The following GRAMD2B variants were observed in gnomAD, a reference collection of about 807,000 sequenced individuals.
The protein encoded by GRAMD2B is GRAM domain-containing protein 2B.
Under a neutral mutation model 59.2 loss-of-function variants are expected in GRAMD2B, and 41 were observed. The observed-to-expected ratio is 0.69, with a 90% CI of 0.54 to 0.90. GRAMD2B has a LOEUF of 0.90. GRAMD2B is among the 40% of genes least tolerant of loss of function. The probability of loss-of-function intolerance (pLI) is 0.00; values close to 1 mark genes in which losing one functional copy is unlikely to be tolerated. For missense variants in GRAMD2B, 424 were observed against 500.5 expected (o/e 0.85, Z 1.46); for synonymous variants, 161 against 182.7 (o/e 0.88, Z 0.96).
At chr5:126,450,537 G>A (rs1448303014) in intron 1 of GRAMD2B, among the ~76,000 whole-genome samples, 1 of 151,684 alleles carries the variant, frequency 6.6e-6, no homozygotes, top group Non-Finnish European at 1.5e-5. Flanking sequence ...GCCTCACTCT[G>A]GGTTATCATT....
At chr5:126,464,979 T>G (rs1363965502) in intron 1 of GRAMD2B, 6 of 870,990 alleles carry the variant, frequency 6.9e-6, no homozygotes, top group Non-Finnish European at 8.3e-6. Flanking sequence ...ACTGCTTGGT[T>G]AAACAACATG....
chr5:126,465,436 G>C lies in GRAMD2B; in HGVS notation c.94G>C (p.Glu32Gln), dbSNP rs1768141864. 1 of 1,614,200 alleles carries C rather than the reference G, an allele frequency of 6.2e-7. No individual in the cohort carries two copies. Among genetic ancestry groups the C allele is most frequent in the East Asian group, 2.2e-5 (1 of 44,884 alleles). The change falls in exon 2 of 14, where the codon GAG becomes CAG. Residue 32 changes from glutamate to glutamine, a missense_variant. Physicochemically the swap from Glu to Gln is conservative, Grantham distance 29. Transcript: ENST00000285689. The stretch of plus-strand genomic sequence containing the variant: ...TCCTTTCTTCTTCAGCTCAGAGGCT[G>C]AGAATGGTGTGGAGGAGAAAAAGAA... Reference protein sequence around the residue: ...SKLGSAHSEAENGVEEKKKAC... With the variant: ...SKLGSAHSEAQNGVEEKKKAC...
chr5:126,476,215 G>A (rs939653182), intron 5 of GRAMD2B, among the ~76,000 whole-genome samples: 5 of 152,336 alleles, frequency 3.3e-5, no homozygotes, highest in East Asian at 3.9e-4. Flanking sequence ...GGAGGTTGCC[G>A]TGAGCCAAGA....
chr5:126,485,983 T>C (rs2126949420), intron 11 of GRAMD2B, among the ~76,000 whole-genome samples: 1 of 152,330 alleles, frequency 6.6e-6, no homozygotes. Context: ...TGCAGAGGAC[T>C]AAGTTCTGAG....
At chr5:126,482,524 C>T (rs759475687) in intron 8 of GRAMD2B, among the ~76,000 whole-genome samples, 4 of 152,202 alleles carry the variant, frequency 2.6e-5, no homozygotes, top group Non-Finnish European at 4.4e-5. Flanking sequence ...ATGCCAGCTT[C>T]ATGATGTGGC....
upstream of GRAMD2B, chr5:126,371,300 G>A (rs1451081728): frequency 8.8e-6 from 10 of 1,132,550 alleles, no homozygotes; most frequent in East Asian, 7.1e-4. Context: ...CATAGCCTCA[G>A]CTAGATTGAG....
chr5:126,473,126 G>A, intron 4 of GRAMD2B, 139 bp from the exon 5 acceptor site: 1 of 401,508 alleles, frequency 2.5e-6, no homozygotes, highest in Non-Finnish European at 4.6e-6. Context: ...TTTCCATAAA[G>A]ATGACAGAAG....
chr5:126,396,095 G>T (rs1757341107), intron 1 of GRAMD2B, among the ~76,000 whole-genome samples: 1 of 152,080 alleles, frequency 6.6e-6, no homozygotes, highest in Non-Finnish European at 1.5e-5. Context: ...ATCCTAACAG[G>T]TGTTAGGTAA....
chr5:126,386,023 A>G (rs573727853), intron 1 of GRAMD2B, among the ~76,000 whole-genome samples: 48 of 152,318 alleles, frequency 3.2e-4, no homozygotes, highest in Non-Finnish European at 6.5e-4. Context: ...GCCCAGACAC[A>G]CTTTCCTCAA....
At chr5:126,387,621 A>G (rs966024136) in intron 1 of GRAMD2B, among the ~76,000 whole-genome samples, 12 of 151,948 alleles carry the variant, frequency 7.9e-5, no homozygotes, top group Admixed American at 2.6e-4. Flanking sequence ...ATAAGTGGAA[A>G]GGGTCCAGAC....
At chr5:126,457,274 T>C (rs1331838221) in intron 1 of GRAMD2B, among the ~76,000 whole-genome samples, 15 of 152,098 alleles carry the variant, frequency 9.9e-5, no homozygotes, top group Admixed American at 6.5e-4. Flanking sequence ...CTATTCTGTT[T>C]TTGAATTTTG....
chr5:126,384,704 C>T (rs1290040277), intron 1 of GRAMD2B, among the ~76,000 whole-genome samples: 1 of 152,202 alleles, frequency 6.6e-6, no homozygotes, highest in Non-Finnish European at 1.5e-5. Context: ...TCCTTGTGCC[C>T]AAGAAGTCCG....
intron 1 of GRAMD2B, among the ~76,000 whole-genome samples, chr5:126,378,728 G>A (rs1755413187): frequency 6.6e-6 from 1 of 152,166 alleles, no homozygotes; most frequent in African/African-American, 2.4e-5. Context: ...ATGCATGTTG[G>A]CTTGTGACTG....
chr5:126,468,499 T>C (rs1291931608), intron 2 of GRAMD2B, among the ~76,000 whole-genome samples: 1 of 151,850 alleles, frequency 6.6e-6, no homozygotes, highest in Non-Finnish European at 1.5e-5. Context: ...TTTAACTTTA[T>C]TTTTTTGAGA....
intron 1 of GRAMD2B, among the ~76,000 whole-genome samples, chr5:126,431,052 G>A (rs1305493013): frequency 6.6e-6 from 1 of 152,106 alleles, no homozygotes; most frequent in African/African-American, 2.4e-5. Flanking sequence ...AATGAAAAAC[G>A]GAGGCCTTCA....
chr5:126,360,573 C>T (rs1160258357), intron 1 of GRAMD2B: 8 of 1,032,896 alleles, frequency 7.7e-6, no homozygotes, highest in Non-Finnish European at 1.1e-5. Context: ...TGGAGAATGT[C>T]TTTGATTGCC....
At chr5:126,466,417 T>C (rs146455746) in intron 2 of GRAMD2B, 7,889 of 723,604 alleles carry the variant, frequency 0.011, 65 homozygotes, top group South Asian at 0.017. Context: ...CATGCTGTTT[T>C]GTGGCATCTC....
At chr5:126,404,871 T>C (rs566739642) in intron 1 of GRAMD2B, among the ~76,000 whole-genome samples, 17 of 151,858 alleles carry the variant, frequency 1.1e-4, no homozygotes, top group African/African-American at 4.1e-4. Flanking sequence ...TAACAAAAAA[T>C]AAATCATGAA....
At chr5:126,403,173 G>T (rs1435744094) in intron 1 of GRAMD2B, among the ~76,000 whole-genome samples, 1 of 151,956 alleles carries the variant, frequency 6.6e-6, no homozygotes, top group Non-Finnish European at 1.5e-5. Context: ...TCTTAATTCA[G>T]TGTAGAGGTC....
Sources: allele counts gnomAD v4.1 joint callset (sites outside exome capture counted in the v4.1 genomes callset), GRCh38; gene constraint gnomAD v4.1.1; transcripts MANE v1.5; gene names NCBI Gene and HGNC (gene_info 2026-07-23, HGNC 2026-07-21).